NRXN3: variants seen among roughly 807,000 people sequenced by gnomAD.
The protein encoded by NRXN3 is neurexin 3.
In NRXN3, 32 loss-of-function variants were observed where a neutral mutation model predicts 137.6. The ratio of observed to expected loss-of-function variants is 0.23; its 90% CI spans 0.18 to 0.31. The LOEUF is 0.31. Among genes scored for constraint, NRXN3 ranks in the 10% least tolerant of loss-of-function variants. The pLI is 1.00. For synonymous variants in NRXN3, 798 were observed against 784.5 expected (o/e 1.02, Z -0.29); for missense variants, 1,574 against 2,062.5 (o/e 0.76, Z 4.59).
At chr14:79,005,971 T>C (rs962363597) in intron 15 of NRXN3, among the ~76,000 whole-genome samples, 1 of 152,218 alleles carries the variant, frequency 6.6e-6, no homozygotes, top group Non-Finnish European at 1.5e-5. Context: ...CTGTGAGTTC[T>C]ACAGGGTAGG....
At chr14:79,505,212 T>A in intron 16 of NRXN3, among the ~76,000 whole-genome samples, 1 of 126,698 alleles carries the variant, frequency 7.9e-6, no homozygotes, top group Non-Finnish European at 1.6e-5. Context: ...TGAAACTCCA[T>A]CTCAAAAAAA....
intron 15 of NRXN3, among the ~76,000 whole-genome samples, chr14:79,160,424 C>G (rs1373267592): frequency 6.6e-6 from 1 of 151,880 alleles, no homozygotes; most frequent in Admixed American, 6.6e-5. Flanking sequence ...TTGCTTTATT[C>G]ACCTGCATCC....
intron 8 of NRXN3, among the ~76,000 whole-genome samples, chr14:78,753,205 C>T (rs910823705): frequency 1.3e-5 from 2 of 152,158 alleles, no homozygotes; most frequent in Non-Finnish European, 2.9e-5. Context: ...TCTCATTTCC[C>T]TTCAACAAGG....
At chr14:78,917,217 G>A (rs532063760) in intron 10 of NRXN3, among the ~76,000 whole-genome samples, 4 of 152,022 alleles carry the variant, frequency 2.6e-5, no homozygotes, top group Admixed American at 2.0e-4. Context: ...GGGATAAAAA[G>A]GTATACTGTT....
At chr14:78,423,838 A>G (rs1046375048) in intron 4 of NRXN3, among the ~76,000 whole-genome samples, 10 of 152,224 alleles carry the variant, frequency 6.6e-5, no homozygotes, top group African/African-American at 2.4e-4. Context: ...GCAAGGGTTT[A>G]TAGTATTATT....
intron 15 of NRXN3, among the ~76,000 whole-genome samples, chr14:79,331,228 A>G (rs948892267): frequency 6.6e-6 from 1 of 151,884 alleles, no homozygotes; most frequent in African/African-American, 2.4e-5. Flanking sequence ...TTTTCTTTTC[A>G]TCATTCTTCT....
chr14:79,009,681 T>C (rs2152387676), intron 15 of NRXN3, among the ~76,000 whole-genome samples: 1 of 152,280 alleles, frequency 6.6e-6, no homozygotes, highest in South Asian at 2.1e-4. Flanking sequence ...GCTGCTGTGA[T>C]TGAAACCCGT....
At chr14:79,844,976 C>T (rs1381347616) in intron 20 of NRXN3, among the ~76,000 whole-genome samples, 1 of 152,186 alleles carries the variant, frequency 6.6e-6, no homozygotes, top group Non-Finnish European at 1.5e-5. Flanking sequence ...GCTAGATTTT[C>T]TGGATAACCT....
intron 10 of NRXN3, among the ~76,000 whole-genome samples, chr14:78,955,415 T>C (rs1288605512): frequency 6.6e-6 from 1 of 152,232 alleles, no homozygotes; most frequent in African/African-American, 2.4e-5. Flanking sequence ...AGGGAAATTC[T>C]GTTGTAATAC....
intron 19 of NRXN3, among the ~76,000 whole-genome samples, chr14:79,777,728 A>T (rs2099101420): frequency 1.3e-5 from 2 of 152,016 alleles, no homozygotes; most frequent in African/African-American, 4.8e-5. Flanking sequence ...CCAGTAAAAT[A>T]AGAATTTTGT....
chr14:78,656,227 C>G (rs1005948475), intron 6 of NRXN3, among the ~76,000 whole-genome samples: 1 of 152,146 alleles, frequency 6.6e-6, no homozygotes, highest in African/African-American at 2.4e-5. Flanking sequence ...CAGACACACG[C>G]ATAAATGCAA....
At chr14:79,325,388 A>T (rs2090701882) in intron 15 of NRXN3, among the ~76,000 whole-genome samples, 1 of 152,174 alleles carries the variant, frequency 6.6e-6, no homozygotes, top group Non-Finnish European at 1.5e-5. Flanking sequence ...GCTACATCCC[A>T]CTTTACTCTT....
chr14:79,088,139 T>C (rs1156869674), intron 15 of NRXN3, among the ~76,000 whole-genome samples: 1 of 150,086 alleles, frequency 6.7e-6, no homozygotes, highest in African/African-American at 2.5e-5. Flanking sequence ...ACCAGATCCT[T>C]TGCCTACTTC....
chr14:78,200,625 A>G (rs2061592180), intron 1 of NRXN3, among the ~76,000 whole-genome samples: 1 of 152,188 alleles, frequency 6.6e-6, no homozygotes, highest in Non-Finnish European at 1.5e-5. Context: ...TCCTAGACAG[A>G]TCTTGCAGCT....
intron 17 of NRXN3, among the ~76,000 whole-genome samples, chr14:79,673,753 T>C (rs910692463): frequency 6.6e-6 from 1 of 152,068 alleles, no homozygotes; most frequent in African/African-American, 2.4e-5. Context: ...GATCCTCAAG[T>C]GTAGTTGAAG....
intron 15 of NRXN3, among the ~76,000 whole-genome samples, chr14:79,034,444 T>C (rs961224631): frequency 3.9e-5 from 6 of 151,952 alleles, no homozygotes; most frequent in Non-Finnish European, 7.4e-5. Context: ...AGATGTTTTA[T>C]TTTGTGAGAA....
At chr14:79,823,998 C>A in intron 20 of NRXN3, 1 of 413,620 alleles carries the variant, frequency 2.4e-6, no homozygotes, top group Non-Finnish European at 5.1e-6. Context: ...AAAATTTCTG[C>A]TTGGAACCCA....
At chr14:78,268,049 C>T (rs1281158230) in intron 2 of NRXN3, among the ~76,000 whole-genome samples, 2 of 152,154 alleles carry the variant, frequency 1.3e-5, no homozygotes, top group African/African-American at 4.8e-5. Flanking sequence ...TTCTGAGAAT[C>T]CCAAAGCCAG....
chr14:79,398,232 T>G (rs1229957414), intron 15 of NRXN3, among the ~76,000 whole-genome samples: 1 of 152,182 alleles, frequency 6.6e-6, no homozygotes, highest in Non-Finnish European at 1.5e-5. Context: ...GTGCCTTCTA[T>G]ACAACTGGCT....
Sources: allele counts gnomAD v4.1 joint callset (sites outside exome capture counted in the v4.1 genomes callset), GRCh38; gene constraint gnomAD v4.1.1; transcripts MANE v1.5; gene names NCBI Gene and HGNC (gene_info 2026-07-23, HGNC 2026-07-21).